LINGO2: variants seen among roughly 807,000 people sequenced by gnomAD.
The protein encoded by LINGO2 is leucine rich repeat and Ig domain containing 2, also known as leucine-rich repeat and immunoglobulin-like domain-containing nogo receptor-interacting protein 2.
Under a neutral mutation model 30.6 loss-of-function variants are expected in LINGO2, and 14 were observed. The observed-to-expected ratio is 0.46, with a 90% CI of 0.30 to 0.72. The LOEUF is 0.72. Among genes scored for constraint, LINGO2 ranks in the 30% least tolerant of loss-of-function variants. The pLI, the probability that LINGO2 is intolerant of heterozygous loss-of-function variation, is 0.07. For synonymous variants in LINGO2, 317 were observed against 288.5 expected, an observed-to-expected ratio of 1.10 and a Z score of -1.00; for missense variants, 729 against 751.7, an observed-to-expected ratio of 0.97 and a Z score of 0.35.
Position 28,082,474 on chromosome 9 carries a change from C to T in LINGO2, c.-86-70069G>A, listed in dbSNP as rs139401004. Among the ~76,000 whole-genome samples the T allele has an allele frequency of 6.3e-3, 955 of 150,960 alleles. 12 individuals are homozygous for T. The highest frequency in any genetic ancestry group is 0.022 in the African/African-American group (903 of 41,252). ...TCACATCTTAATACAATTTTTTTTTCATTTTTACAAAGCTGTGAGTATGAT... is the reference window on the plus strand; with the variant it reads ...TCACATCTTAATACAATTTTTTTTTTATTTTTACAAAGCTGTGAGTATGAT... On this transcript the variant is annotated intron_variant, in intron 4 of 5. Coordinates refer to ENST00000379992, the Ensembl canonical transcript of LINGO2.
chr9:28,788,292 C>G, the LINGO2 span, among the ~76,000 whole-genome samples: 1 of 152,160 alleles, frequency 6.6e-6, no homozygotes, highest in Non-Finnish European at 1.5e-5. Context: ...TGAACTGTGT[C>G]AGAAGGGTTT....
intron 3 of LINGO2, among the ~76,000 whole-genome samples, chr9:28,371,440 C>T (rs1047653914): frequency 2.0e-5 from 3 of 152,202 alleles, no homozygotes; most frequent in African/African-American, 7.2e-5. Context: ...ACAGCACTTT[C>T]TGTGTCCTCA....
chr9:28,824,142 A>G, the LINGO2 span, among the ~76,000 whole-genome samples: 1 of 152,152 alleles, frequency 6.6e-6, no homozygotes, highest in Non-Finnish European at 1.5e-5. Context: ...GTTTCACGGT[A>G]ATAACTGACA....
At chr9:28,241,363 G>C (rs1049402641) in intron 4 of LINGO2, among the ~76,000 whole-genome samples, 1 of 151,476 alleles carries the variant, frequency 6.6e-6, no homozygotes, top group Non-Finnish European at 1.5e-5. Context: ...GTGGCAATCA[G>C]AGGCAACCAT....
chr9:28,433,966 T>TATATATATATACAC lies in LINGO2; in HGVS notation c.-279+41973_-279+41974insGTGTATATATATAT, dbSNP rs752778212. ...CTCTCTCTCTATATATATATATATA[T>TATATATATATACAC]ACACACACACACATGAAAATACTAC... On this transcript the variant is annotated intron_variant, in intron 2 of 5. Transcript: ENST00000379992. Among the ~76,000 whole-genome samples, 205 of 99,916 alleles carry TATATATATATACAC rather than the reference T, an allele frequency of 2.1e-3. 5 individuals are homozygous for TATATATATATACAC. Among genetic ancestry groups the TATATATATATACAC allele is most frequent in the Non-Finnish European group, 3.8e-3 (162 of 42,192 alleles). 65.5% of individuals were successfully genotyped at this position (99,916 alleles called of 152,430 possible).
the LINGO2 span, among the ~76,000 whole-genome samples, chr9:28,928,768 A>T: frequency 2.0e-5 from 3 of 152,124 alleles, no homozygotes; most frequent in Non-Finnish European, 2.9e-5. Flanking sequence ...TTCTGACATG[A>T]AATAGTGCAA....
the LINGO2 span, among the ~76,000 whole-genome samples, chr9:29,167,645 T>A: frequency 2.0e-5 from 3 of 152,108 alleles, no homozygotes; most frequent in African/African-American, 7.2e-5. Context: ...CCTGTCAATA[T>A]CTTAAAGCCA....
chr9:28,746,740 G>C, the LINGO2 span, among the ~76,000 whole-genome samples: 1 of 151,924 alleles, frequency 6.6e-6, no homozygotes, highest in Non-Finnish European at 1.5e-5. Context: ...ACATGTATTA[G>C]GAACAGACAA....
At chr9:28,345,289 A>G (rs1294729501) in intron 3 of LINGO2, among the ~76,000 whole-genome samples, 1 of 152,136 alleles carries the variant, frequency 6.6e-6, no homozygotes, top group Non-Finnish European at 1.5e-5. Flanking sequence ...TCAAGTGGTT[A>G]CTAAGGGCCT....
chr9:28,198,456 C>A (rs1452804975), intron 4 of LINGO2, among the ~76,000 whole-genome samples: 2 of 152,152 alleles, frequency 1.3e-5, no homozygotes, highest in African/African-American at 4.8e-5. Flanking sequence ...TACTTTTCAA[C>A]AATCATACTT....
chr9:28,722,767 C>A, the LINGO2 span, among the ~76,000 whole-genome samples: 1 of 152,126 alleles, frequency 6.6e-6, no homozygotes, highest in Non-Finnish European at 1.5e-5. Flanking sequence ...TCTCCTCTAG[C>A]CAAAAAATAA....
At chr9:28,497,083 C>T (rs1428380684) in intron 1 of LINGO2, among the ~76,000 whole-genome samples, 1 of 152,156 alleles carries the variant, frequency 6.6e-6, no homozygotes, top group African/African-American at 2.4e-5. Context: ...TCTCTGGCTG[C>T]CCTTAACATT....
chr9:28,263,667 G>T (rs933005662), intron 4 of LINGO2, among the ~76,000 whole-genome samples: 1 of 151,976 alleles, frequency 6.6e-6, no homozygotes, highest in East Asian at 1.9e-4. Context: ...TCATAGCCAC[G>T]TATGTAGTGT....
intron 4 of LINGO2, among the ~76,000 whole-genome samples, chr9:28,232,014 C>T (rs1821373103): frequency 6.6e-6 from 1 of 152,066 alleles, no homozygotes; most frequent in African/African-American, 2.4e-5. Flanking sequence ...CTTACCTTCA[C>T]AAGTTCAAAC....
intron 4 of LINGO2, among the ~76,000 whole-genome samples, chr9:28,239,609 A>G (rs771165433): frequency 2.6e-5 from 4 of 152,176 alleles, no homozygotes; most frequent in Non-Finnish European, 4.4e-5. Flanking sequence ...AACCCTCAAC[A>G]GTTGGGTAGA....
chr9:28,216,646 C>A (rs1188153736), intron 4 of LINGO2, among the ~76,000 whole-genome samples: 2 of 151,902 alleles, frequency 1.3e-5, no homozygotes, highest in East Asian at 3.9e-4. Context: ...TTTAAATATT[C>A]ATTTTTTGAG....
chr9:28,267,526 C>T (rs943668167), intron 4 of LINGO2, among the ~76,000 whole-genome samples: 1 of 151,932 alleles, frequency 6.6e-6, no homozygotes, highest in African/African-American at 2.4e-5. Context: ...CTTTCCACCT[C>T]GTTCCTGACA....
the LINGO2 span, among the ~76,000 whole-genome samples, chr9:29,173,120 G>T: frequency 2.0e-5 from 3 of 151,980 alleles, no homozygotes; most frequent in Non-Finnish European, 4.4e-5. Flanking sequence ...GTGAAGAAAA[G>T]TTATGCAATT....
chr9:29,014,758 CG>C, the LINGO2 span, among the ~76,000 whole-genome samples: 1 of 152,038 alleles, frequency 6.6e-6, no homozygotes, highest in South Asian at 2.1e-4. Context: ...CTTGGTACTG[CG>C]GTGGAACTTC....
Sources: gnomAD v4.1 joint callset for allele counts (sites outside exome capture counted in the v4.1 genomes callset) on GRCh38, gnomAD v4.1.1 for gene constraint, MANE v1.5 for transcripts, NCBI Gene and HGNC (gene_info 2026-07-23, HGNC 2026-07-21) for gene names.